Variants in MTUS1 observed in about 807,000 individuals in gnomAD.
MTUS1 encodes the protein microtubule-associated tumor suppressor 1.
Under a neutral mutation model 120.8 loss-of-function variants are expected in MTUS1, and 109 were observed. The ratio of observed to expected loss-of-function variants is 0.90; its 90% CI spans 0.77 to 1.06. The LOEUF (loss-of-function observed/expected upper bound fraction) is 1.06. Ranked by LOEUF, MTUS1 falls within the 50% of genes least tolerant of loss-of-function variation. MTUS1 has a pLI of 0.00. For missense variants in MTUS1, 2,210 were observed against 1,486.3 expected, an observed-to-expected ratio of 1.49 and a Z score of -8.01; for synonymous variants, 737 against 550.5, an observed-to-expected ratio of 1.34 and a Z score of -4.74.
At chr8:17,792,090 A>C (rs1175118526) in intron 1 of MTUS1, among the ~76,000 whole-genome samples, 1 of 152,242 alleles carries the variant, frequency 6.6e-6, no homozygotes, top group East Asian at 1.9e-4. Flanking sequence ...ACATTACTGC[A>C]CCAAATGTCC....
intron 8 of MTUS1, chr8:17,674,791 C>A (rs775632755): frequency 8.8e-6 from 9 of 1,019,426 alleles, no homozygotes; most frequent in Non-Finnish European, 9.4e-6. Context: ...ACAAACCAAC[C>A]CTTGGAAGTA....
At chr8:17,699,895 A>G (rs2130902294) in intron 6 of MTUS1, among the ~76,000 whole-genome samples, 1 of 152,294 alleles carries the variant, frequency 6.6e-6, no homozygotes, top group African/African-American at 2.4e-5. Context: ...TCAGGTCACA[A>G]CTATTTTTAT....
chr8:17,754,044 C>T lies in MTUS1; in HGVS notation c.1764G>A (p.Val588=), dbSNP rs1409469051. ...CATTTTTAGAATGAGTTGTAACATG[C>T]ACAGCCTGGCTAGTAATGAGTTTAT... ...QFNKLITSQA[V]HVTTHSKNAS... Residue 588 remains valine, a synonymous_variant, in exon 2 of 15, where the codon GTG becomes GTA. Transcript: ENST00000693296. The T allele has an allele frequency of 1.2e-6, 2 of 1,614,118 alleles. No individual in the cohort carries two copies. The highest frequency in any genetic ancestry group is 1.7e-6 in the Non-Finnish European group (2 of 1,180,024).
chr8:17,651,064 C>T (rs937787686), intron 12 of MTUS1, among the ~76,000 whole-genome samples: 3 of 152,108 alleles, frequency 2.0e-5, no homozygotes, highest in African/African-American at 7.2e-5. Flanking sequence ...ACGGGTTAAG[C>T]GCCCTACTCA....
chr8:17,654,000 A>G, intron 10 of MTUS1: 1 of 158,416 alleles, frequency 6.3e-6, no homozygotes, highest in Non-Finnish European at 1.4e-5. Context: ...TGTGGTGAGA[A>G]AGTCCTTGCT....
intron 1 of MTUS1, among the ~76,000 whole-genome samples, chr8:17,799,938 T>C (rs565672683): frequency 3.6e-4 from 54 of 149,626 alleles, no homozygotes; most frequent in African/African-American, 1.2e-3. Context: ...ATATTGCCTA[T>C]GAAAAAAAAA....
intron 5 of MTUS1, among the ~76,000 whole-genome samples, chr8:17,713,526 A>G (rs1243771442): frequency 6.6e-6 from 1 of 152,216 alleles, no homozygotes; most frequent in Non-Finnish European, 1.5e-5. Flanking sequence ...GTATTTTTTC[A>G]GTCAAGAACA....
At chr8:17,780,649 A>G (rs893196720) in intron 1 of MTUS1, among the ~76,000 whole-genome samples, 21 of 152,136 alleles carry the variant, frequency 1.4e-4, no homozygotes, top group African/African-American at 5.1e-4. Flanking sequence ...CACCTTCACT[A>G]TTATCCCAGG....
chr8:17,761,060 C>G (rs17125283), intron 1 of MTUS1, among the ~76,000 whole-genome samples: 19,970 of 151,908 alleles, frequency 0.13, 1,423 homozygotes, highest in Admixed American at 0.19. Flanking sequence ...AACAAATTCC[C>G]CACTTATTAA....
At chr8:17,657,783 G>A (rs116869923) in intron 8 of MTUS1, among the ~76,000 whole-genome samples, 3,574 of 114,466 alleles carry the variant, frequency 0.031, 125 homozygotes, top group South Asian at 0.16. Context: ...TTGGGCAACA[G>A]AGCAAGACCC....
rs961912562 is a variant in MTUS1, at chr8:17,722,160, A to G, written c.2449+1512T>C. The G allele has an allele frequency of 9.8e-6, 11 of 1,122,354 alleles. No individual in the cohort carries two copies. In the East Asian group the frequency reaches 2.5e-4, roughly 25 times the overall value. 69.5% of individuals were successfully genotyped at this position (1,122,354 alleles called of 1,614,324 possible). A position where few individuals can be genotyped will look rare whatever the true frequency, so the allele number is the denominator to read the frequency against. On this transcript the variant is annotated intron_variant, in intron 4 of 14. Coordinates refer to ENST00000693296, the MANE Select transcript of MTUS1 (RefSeq NM_001363059.2). ...GGTGTATGGTAAACCCCTTTGTTAA[A>G]AGACAAAAAGGAATGGACAAAAGCA... is the stretch of plus-strand genomic sequence containing the variant.
At chr8:17,671,569 C>T (rs1812027024) in intron 8 of MTUS1, among the ~76,000 whole-genome samples, 1 of 152,192 alleles carries the variant, frequency 6.6e-6, no homozygotes, top group Admixed American at 6.5e-5. Flanking sequence ...CTGCTTTGGA[C>T]ACTGCCACAG....
At chr8:17,674,707 T>C (rs1812727741) in intron 8 of MTUS1, 2 of 990,744 alleles carry the variant, frequency 2.0e-6, no homozygotes, top group Non-Finnish European at 2.4e-6. Flanking sequence ...AATAGTAAGA[T>C]TAGCATAGAA....
chr8:17,678,166 T>C (rs937372042), intron 7 of MTUS1, among the ~76,000 whole-genome samples: 10 of 152,212 alleles, frequency 6.6e-5, no homozygotes, highest in African/African-American at 2.4e-4. Context: ...CCCTGGTAGC[T>C]TGGCCTTTAC....
intron 3 of MTUS1, among the ~76,000 whole-genome samples, chr8:17,738,394 A>G (rs1362229478): frequency 6.6e-6 from 1 of 152,174 alleles, no homozygotes; most frequent in African/African-American, 2.4e-5. Context: ...CTGAAATGGC[A>G]ACTCATGTGT....
intron 1 of MTUS1, among the ~76,000 whole-genome samples, chr8:17,788,273 G>C (rs1276276968): frequency 6.6e-6 from 1 of 152,160 alleles, no homozygotes; most frequent in Non-Finnish European, 1.5e-5. Context: ...CTCAAAAATT[G>C]TTTCAAAGAT....
Position 17,645,945 on chromosome 8 carries a change from G to T in MTUS1, c.3794C>A (p.Pro1265His), listed in dbSNP as rs1449552816. ...GAGGTGTCATCTGGGTGAAATGCTG[G>T]GGCTAGGGAAGGAGCCCGAATTCCT... ...SPRNSGSFPSPSISPR is the reference protein window; with the variant it reads ...SPRNSGSFPSHSISPR Residue 1265 changes from proline (P) to histidine (H), a missense_variant, in exon 15 of 15, where the codon CCC becomes CAC. Physicochemically the swap from Pro to His is moderately conservative, Grantham distance 77 (BLOSUM62 -2). Coordinates refer to ENST00000693296, the MANE Select transcript of MTUS1 (RefSeq NM_001363059.2). 8 of 1,612,018 alleles carry T rather than the reference G, an allele frequency of 5.0e-6. No homozygotes were observed. The highest frequency in any genetic ancestry group is 6.8e-6 in the Non-Finnish European group (8 of 1,179,776).
chr8:17,705,918 C>A (rs1474868209), intron 6 of MTUS1: 1 of 152,142 alleles, frequency 6.6e-6, no homozygotes. Context: ...ATGGTAGAAC[C>A]AAGGTAATAA....
rs761944498 is a variant in MTUS1, at chr8:17,713,199, A to G, written c.2623+15T>C. The G allele has an allele frequency of 1.9e-6, 3 of 1,587,514 alleles. No individual in the cohort carries two copies. The African/African-American group carries it at 4.0e-5, about 21-fold the overall frequency. On this transcript the variant is annotated intron_variant, in intron 6 of 14. Transcript: ENST00000693296. ...AAAGATTCTTTTTATCGCCATCCAT[A>G]AAGTGGTCACTCACCTGCATTAAGA...
Sources: allele counts gnomAD v4.1 joint callset (sites outside exome capture counted in the v4.1 genomes callset), GRCh38; gene constraint gnomAD v4.1.1; transcripts MANE v1.5; gene names NCBI Gene and HGNC (gene_info 2026-07-23, HGNC 2026-07-21).